Variants in CSMD1 observed in about 807,000 individuals in gnomAD.
CSMD1 encodes the protein CUB and sushi domain-containing protein 1.
CSMD1 carries 213 observed loss-of-function variants against 417.5 expected under a neutral mutation model. The observed-to-expected ratio is 0.51, with a 90% CI of 0.46 to 0.57. The LOEUF (loss-of-function observed/expected upper bound fraction) is 0.57, where lower values mean the gene tolerates loss of function less well. Among genes scored for constraint, CSMD1 ranks in the 20% least tolerant of loss-of-function variants. CSMD1 has a pLI of 0.00. For synonymous variants in CSMD1, 2,862 were observed against 1,736.8 expected, an observed-to-expected ratio of 1.65 and a Z score of -16.11; for missense variants, 6,923 against 4,529.7, an observed-to-expected ratio of 1.53 and a Z score of -15.17.
At chr8:3,220,872 C>A (rs992263420) in intron 28 of CSMD1, among the ~76,000 whole-genome samples, 1 of 152,114 alleles carries the variant, frequency 6.6e-6, no homozygotes. Context: ...ACCAACCAAT[C>A]CATCCATTGC....
In CSMD1 at chr8:4,283,070, T is replaced by C. The variant is rs972980709; in HGVS notation, c.415+136883A>G. On this transcript the variant is annotated intron_variant, in intron 3 of 69. Transcript: ENST00000635120. Reference sequence around the variant, plus strand: ...GCCTGATAGTTAGAAACAGACTGTTTTTAAGGTCAACATCCTGTTTTTTAG... The same window carrying C: ...GCCTGATAGTTAGAAACAGACTGTTCTTAAGGTCAACATCCTGTTTTTTAG... 7.9e-5 allele frequency among the ~76,000 whole-genome samples: 12 copies of C among 152,312 alleles called. No homozygotes were observed. In the East Asian group the frequency reaches 2.3e-3, roughly 29 times the overall value.
At chr8:4,061,682 T>A (rs1309798988) in intron 3 of CSMD1, among the ~76,000 whole-genome samples, 1 of 152,176 alleles carries the variant, frequency 6.6e-6, no homozygotes, top group Admixed American at 6.5e-5. Context: ...GTGTGAAATA[T>A]CTTTTATGAT....
chr8:4,241,414 T>G (rs1802389917), intron 3 of CSMD1, among the ~76,000 whole-genome samples: 1 of 152,216 alleles, frequency 6.6e-6, no homozygotes, highest in Admixed American at 6.5e-5. Context: ...AACCCCATGT[T>G]AAACTTCCTC....
chr8:3,331,578 C>T (rs1806899393), intron 23 of CSMD1, among the ~76,000 whole-genome samples: 1 of 152,136 alleles, frequency 6.6e-6, no homozygotes, highest in Non-Finnish European at 1.5e-5. Flanking sequence ...ACAAAAGGAT[C>T]ATCTTCAAAG....
Position 4,266,712 on chromosome 8 carries a change from T to C in CSMD1, c.415+153241A>G, listed in dbSNP as rs1804252725. 2.8e-5 allele frequency among the ~76,000 whole-genome samples: 3 copies of C among 105,284 alleles called. 1 individual carries two copies. The highest frequency in any genetic ancestry group is 7.8e-5 in the African/African-American group (3 of 38,598). 69.1% of individuals were successfully genotyped at this position (105,284 alleles called of 152,430 possible). Reference sequence around the variant, plus strand: ...AAGAATTATACTTAGTTTTATACATTATACAAAAATTCTAATTTTTTGTCT... The same window carrying C: ...AAGAATTATACTTAGTTTTATACATCATACAAAAATTCTAATTTTTTGTCT... On this transcript the variant is annotated intron_variant, in intron 3 of 69. Coordinates refer to ENST00000635120, the MANE Select transcript of CSMD1 (RefSeq NM_033225.6).
chr8:3,745,962 G>A (rs937860612), intron 6 of CSMD1, among the ~76,000 whole-genome samples: 1 of 152,120 alleles, frequency 6.6e-6, no homozygotes, highest in Admixed American at 6.6e-5. Context: ...ATGACCAGTT[G>A]GTCAATGTAA....
At chr8:4,589,612 A>G (rs1799886111) in intron 2 of CSMD1, among the ~76,000 whole-genome samples, 2 of 152,204 alleles carry the variant, frequency 1.3e-5, no homozygotes, top group African/African-American at 4.8e-5. Flanking sequence ...TCATTACTCA[A>G]AAAGTGTTCA....
intron 5 of CSMD1, among the ~76,000 whole-genome samples, chr8:3,858,763 A>G (rs1260218363): frequency 1.3e-5 from 2 of 152,118 alleles, no homozygotes; most frequent in Admixed American, 1.3e-4. Context: ...ACACTCCTGT[A>G]TAACTTATTT....
intron 3 of CSMD1, among the ~76,000 whole-genome samples, chr8:4,127,030 G>C (rs1268127920): frequency 6.6e-6 from 1 of 151,960 alleles, no homozygotes; most frequent in Non-Finnish European, 1.5e-5. Context: ...ATATACCCTG[G>C]CCTCCAAAAT....
Position 3,205,547 on chromosome 8 carries a change from A to G in CSMD1, c.4941T>C (p.Ala1647=). 1 of 1,602,624 alleles carries G rather than the reference A, an allele frequency of 6.2e-7. No homozygotes were observed. Among genetic ancestry groups the G allele is most frequent in the Admixed American group, 1.7e-5 (1 of 58,954 alleles). ...TGATGGAATAGAGGCATATTTGACC[A>G]GCTGTGTAATTATGGGGGTAGTTTG... ...LSPNYPHNYT[A]GQICLYSITV... The change falls in exon 31 of 70, where the codon GCT becomes GCC. Residue 1647 remains alanine (A), a synonymous_variant. Transcript: ENST00000635120.
intron 12 of CSMD1, among the ~76,000 whole-genome samples, chr8:3,436,137 T>C (rs1333779611): frequency 2.0e-5 from 3 of 152,064 alleles, no homozygotes; most frequent in Non-Finnish European, 4.4e-5. Flanking sequence ...TTCCCCTACA[T>C]TTTTCTTTAT....
At chr8:4,101,053 T>C (rs1801278641) in intron 3 of CSMD1, among the ~76,000 whole-genome samples, 1 of 152,166 alleles carries the variant, frequency 6.6e-6, no homozygotes. Flanking sequence ...CAAAGGCAGA[T>C]GATGCCAGAG....
intron 1 of CSMD1, among the ~76,000 whole-genome samples, chr8:4,662,876 G>A (rs909518358): frequency 2.0e-5 from 3 of 152,144 alleles, no homozygotes; most frequent in Non-Finnish European, 4.4e-5. Context: ...GGGTGACAGT[G>A]TTTATTCCAA....
intron 5 of CSMD1, among the ~76,000 whole-genome samples, chr8:3,874,917 T>G (rs191457275): frequency 4.6e-5 from 7 of 152,218 alleles, no homozygotes; most frequent in African/African-American, 1.7e-4. Context: ...TGAATAAGAC[T>G]TGGGGAAGAC....
intron 1 of CSMD1, among the ~76,000 whole-genome samples, chr8:4,901,614 C>G (rs1804875832): frequency 6.6e-6 from 1 of 152,106 alleles, no homozygotes; most frequent in Non-Finnish European, 1.5e-5. Flanking sequence ...AGCCTTTGTC[C>G]CCATACTTCA....
At chr8:3,705,569 C>G (rs769576862) in intron 7 of CSMD1, among the ~76,000 whole-genome samples, 1 of 152,158 alleles carries the variant, frequency 6.6e-6, no homozygotes, top group African/African-American at 2.4e-5. Context: ...ACAAAAATGT[C>G]CAGCTTACAG....
intron 8 of CSMD1, among the ~76,000 whole-genome samples, chr8:3,594,355 A>T (rs1458659870): frequency 1.1e-4 from 17 of 152,222 alleles, no homozygotes; most frequent in Admixed American, 1.1e-3. Flanking sequence ...AAAGATAAGA[A>T]GAACTTATGC....
chr8:4,320,509 G>C (rs561660613), intron 3 of CSMD1, among the ~76,000 whole-genome samples: 4 of 151,630 alleles, frequency 2.6e-5, no homozygotes, highest in East Asian at 1.9e-4. Flanking sequence ...TCCTCCCCTA[G>C]ACCCCCACCC....
chr8:3,419,892 C>T (rs976170717), intron 12 of CSMD1, among the ~76,000 whole-genome samples: 7 of 152,116 alleles, frequency 4.6e-5, no homozygotes, highest in African/African-American at 7.2e-5. Flanking sequence ...GGAATAGATC[C>T]TGTTTTAGAT....
Sources: gnomAD v4.1 joint callset for allele counts (sites outside exome capture counted in the v4.1 genomes callset) on GRCh38, gnomAD v4.1.1 for gene constraint, MANE v1.5 for transcripts, NCBI Gene and HGNC (gene_info 2026-07-23, HGNC 2026-07-21) for gene names.